The following MACF1 variants were observed in gnomAD, a reference collection of about 807,000 sequenced individuals.
MACF1 encodes microtubule-actin cross-linking factor 1.
Under a neutral mutation model 854.8 loss-of-function variants are expected in MACF1, and 193 were observed. That is an observed-to-expected ratio of 0.23 (90% CI 0.20 to 0.25). MACF1 has a LOEUF of 0.25. MACF1 is among the 10% of genes least tolerant of loss of function. The pLI is 1.00. For missense variants in MACF1, 7,722 were observed against 8,929.1 expected (o/e 0.86, Z 5.45); for synonymous variants, 3,185 against 3,226.7 (o/e 0.99, Z 0.44).
chr1:39,361,255 C>A, intron 48 of MACF1, 105 bp from the exon 49 acceptor site: 1 of 1,128,072 alleles, frequency 8.9e-7, no homozygotes, highest in Non-Finnish European at 1.3e-6. Context: ...GGCTCGGTTG[C>A]AGTCCTCCAG....
At chr1:39,088,942 C>G (rs1054505925) in intron 2 of MACF1, among the ~76,000 whole-genome samples, 4 of 152,186 alleles carry the variant, frequency 2.6e-5, no homozygotes, top group East Asian at 3.8e-4. Flanking sequence ...CAGGAAGATT[C>G]CACCATCTAC....
At chr1:39,300,431 G>A in intron 22 of MACF1, 69 bp downstream of exon 22, 1 of 1,440,094 alleles carries the variant, frequency 6.9e-7, no homozygotes, top group Non-Finnish European at 9.3e-7. Flanking sequence ...CTTCAGTTAG[G>A]GTTATGATGA....
At chr1:39,471,869 A>G (rs1215737142) in intron 97 of MACF1, among the ~76,000 whole-genome samples, 2 of 152,078 alleles carry the variant, frequency 1.3e-5, no homozygotes, top group Non-Finnish European at 2.9e-5. Flanking sequence ...CATCCTAACC[A>G]TTTTTAAGTA....
intron 2 of MACF1, among the ~76,000 whole-genome samples, chr1:39,243,711 T>G (rs1644950281): frequency 6.6e-6 from 1 of 152,164 alleles, no homozygotes; most frequent in Middle Eastern, 3.2e-3. Context: ...CCTTCTAAAT[T>G]TTGATGCTTA....
Position 39,334,899 on chromosome 1 carries a change from G to A in MACF1, c.8311G>A (p.Ala2771Thr). Residue 2771 changes from alanine (A) to threonine (T), a missense_variant, in exon 37 of 101, where the codon GCT becomes ACT. Coordinates refer to ENST00000564288, the MANE Select transcript of MACF1 (RefSeq NM_001394062.1). ...IDSSEFSDHR[A>T]QIEKQEGIEV... Reference sequence around the variant, plus strand: ...TAGTTCAGAGTTCAGCGATCACAGGGCTCAGATTGAAAAGCAAGAAGGGAT... The same window carrying A: ...TAGTTCAGAGTTCAGCGATCACAGGACTCAGATTGAAAAGCAAGAAGGGAT... 6.2e-7 allele frequency: 1 copy of A among 1,614,136 alleles called. No individual in the cohort carries two copies. The highest frequency in any genetic ancestry group is 1.3e-5 in the African/African-American group (1 of 75,042).
At chr1:39,446,492 A>ATT (rs541475374) in intron 80 of MACF1, among the ~76,000 whole-genome samples, 6 of 144,590 alleles carry the variant, frequency 4.1e-5, no homozygotes, top group Middle Eastern at 3.6e-3. Context: ...ATTTATTGTA[A>ATT]TTTTTTTTTT....
intron 2 of MACF1, among the ~76,000 whole-genome samples, chr1:39,122,730 AC>A: frequency 6.6e-6 from 1 of 152,164 alleles, no homozygotes; most frequent in African/African-American, 2.4e-5. Context: ...GAAAGGTCAC[AC>A]CCATTATCTT....
intron 2 of MACF1, among the ~76,000 whole-genome samples, chr1:39,144,283 G>A (rs985957515): frequency 2.6e-5 from 4 of 151,972 alleles, no homozygotes; most frequent in African/African-American, 9.7e-5. Flanking sequence ...GTTTCACCAT[G>A]TTGGCCAGGC....
chr1:39,167,749 C>G (rs765508080), intron 2 of MACF1, among the ~76,000 whole-genome samples: 1 of 151,640 alleles, frequency 6.6e-6, no homozygotes. Flanking sequence ...TGACAGGCAC[C>G]TATAATCTCA....
intron 52 of MACF1, among the ~76,000 whole-genome samples, chr1:39,374,978 C>T (rs1649583030): frequency 6.6e-6 from 1 of 151,758 alleles, no homozygotes; most frequent in Non-Finnish European, 1.5e-5. Flanking sequence ...GGTGTGGTGG[C>T]GGGTGCCTGT....
intron 99 of MACF1, among the ~76,000 whole-genome samples, chr1:39,481,861 T>G (rs1299735984): frequency 6.6e-6 from 1 of 152,188 alleles, no homozygotes; most frequent in Non-Finnish European, 1.5e-5. Flanking sequence ...AAGAAGTCAA[T>G]GGCTATGAAT....
At chr1:39,200,836 AG>A (rs1195662302), upstream of MACF1, among the ~76,000 whole-genome samples, 3 of 152,300 alleles carry the variant, frequency 2.0e-5, no homozygotes, top group Non-Finnish European at 4.4e-5. Flanking sequence ...GCACTTTAGG[AG>A]GCCAAGGAAG....
chr1:39,289,962 A>C (rs1645742572), intron 15 of MACF1, among the ~76,000 whole-genome samples: 1 of 151,804 alleles, frequency 6.6e-6, no homozygotes, highest in Admixed American at 6.6e-5. Flanking sequence ...GGCCTCCCAA[A>C]GTGCTGGGAT....
chr1:39,131,560 G>T (rs760220114), intron 2 of MACF1, among the ~76,000 whole-genome samples: 2 of 152,108 alleles, frequency 1.3e-5, no homozygotes, highest in Non-Finnish European at 2.9e-5. Flanking sequence ...CACCTTGAGA[G>T]CTGCGAGAAC....
At position 39,332,028 on chromosome 1, in the gene MACF1, A is replaced by G. The variant is rs1220013440; in HGVS notation, c.5440A>G (p.Ile1814Val). The G allele has an allele frequency of 2.5e-6, 4 of 1,614,086 alleles. No homozygotes were observed. The highest frequency in any genetic ancestry group is 2.2e-5 in the East Asian group (1 of 44,878). Residue 1814 changes from isoleucine to valine, a missense_variant, in exon 37 of 101, where the codon ATA becomes GTA. Ile to Val is a conservative substitution (Grantham distance 29, BLOSUM62 3). Around this residue, in one of 15 missense-constraint regions of MACF1, gnomAD observed 1,531 missense variants for 1,601.6 expected, o/e 0.96. Transcript: ENST00000564288. ...AAGGCAGCTTCAGACAGGAGGCATC[A>G]TAGACACTGTCACGGGGCAAAGGCT... The part of the protein sequence containing the change: ...LIRQLQTGGI[I>V]DTVTGQRLTI...
chr1:39,431,953 G>T (rs970221979), intron 66 of MACF1, among the ~76,000 whole-genome samples: 1 of 152,226 alleles, frequency 6.6e-6, no homozygotes, highest in Non-Finnish European at 1.5e-5. Context: ...TCCAGCCTGG[G>T]CAACAGAATC....
At chr1:39,268,483 G>A (rs1166170888) in intron 6 of MACF1, 1 of 1,126,834 alleles carries the variant, frequency 8.9e-7, no homozygotes, top group Non-Finnish European at 1.1e-6. Context: ...AATTTGTCTT[G>A]TTGCAGCTCT....
chr1:39,369,924 G>A (rs1649084280), intron 50 of MACF1, 106 bp from the exon 51 acceptor site: 2 of 1,000,120 alleles, frequency 2.0e-6, no homozygotes, highest in East Asian at 2.4e-5. Flanking sequence ...AGAAAGAAAG[G>A]CCATGTTAGG....
chr1:39,229,591 C>T (rs867569270), intron 1 of MACF1, among the ~76,000 whole-genome samples: 6 of 152,026 alleles, frequency 3.9e-5, no homozygotes, highest in African/African-American at 1.5e-4. Context: ...AGTCAAGCAG[C>T]GGGCAGTTAT....
Sources: allele counts gnomAD v4.1 joint callset (sites outside exome capture counted in the v4.1 genomes callset), GRCh38; gene constraint gnomAD v4.1.1; regional missense constraint gnomAD v4.1.1; transcripts MANE v1.5; gene names NCBI Gene and HGNC (gene_info 2026-07-23, HGNC 2026-07-21).